ITPR2: variants seen among roughly 807,000 people sequenced by gnomAD.
The protein encoded by ITPR2 is inositol 1,4,5-trisphosphate receptor type 2.
A neutral mutation model predicts 317.1 loss-of-function variants in ITPR2; 207 were observed. That is an observed-to-expected ratio of 0.65 (90% confidence interval 0.58 to 0.73). ITPR2 has a LOEUF of 0.73. Among genes scored for constraint, ITPR2 ranks in the 30% least tolerant of loss-of-function variants. ITPR2 has a pLI of 0.00. For synonymous variants in ITPR2, 1,156 were observed against 1,149.1 expected, an observed-to-expected ratio of 1.01 and a Z score of -0.12; for missense variants, 2,613 against 3,284.0, an observed-to-expected ratio of 0.80 and a Z score of 4.99.
chr12:26,631,721 C>T (rs1399774336), intron 22 of ITPR2, 145 bp downstream of exon 22: 2 of 652,518 alleles, frequency 3.1e-6, no homozygotes, highest in East Asian at 2.8e-5. Context: ...TATTTTTTAC[C>T]AGGTTTGTCA....
chr12:26,509,087 A>G (rs767502959), intron 37 of ITPR2, among the ~76,000 whole-genome samples: 3 of 152,234 alleles, frequency 2.0e-5, no homozygotes, highest in Non-Finnish European at 4.4e-5. Context: ...CACCTGCTAG[A>G]ACATGTATGA....
rs1591942493 is a variant in ITPR2 at position 26,336,316 on chromosome 12, G to A, written c.*3081C>T. Among the ~76,000 whole-genome samples the A allele has an allele frequency of 2.6e-5, 4 of 152,114 alleles. No homozygotes were observed. The highest frequency in any genetic ancestry group is 2.0e-4 in the Admixed American group (3 of 15,288). ...TGCAATGAAACAATTGTAAAATAAA[G>A]AGAGCAGCCAAAACAGGGAGTTATG... On this transcript the variant is annotated 3_prime_UTR_variant, in exon 57 of 57. Transcript: ENST00000381340.
intron 55 of ITPR2, among the ~76,000 whole-genome samples, chr12:26,374,157 C>A (rs774680024): frequency 6.6e-6 from 1 of 152,188 alleles, no homozygotes; most frequent in Non-Finnish European, 1.5e-5. Flanking sequence ...TCCAGCAATG[C>A]AAATATTTAT....
At chr12:26,662,912 C>A (rs1246048960) in intron 15 of ITPR2, among the ~76,000 whole-genome samples, 1 of 152,054 alleles carries the variant, frequency 6.6e-6, no homozygotes, top group Non-Finnish European at 1.5e-5. Context: ...CTTGAGTAAT[C>A]CCCCCACCTT....
intron 9 of ITPR2, among the ~76,000 whole-genome samples, chr12:26,703,123 G>A (rs1484241967): frequency 6.6e-6 from 1 of 152,190 alleles, no homozygotes; most frequent in East Asian, 1.9e-4. Context: ...GTATCTATAA[G>A]TAAATTTTAG....
At chr12:26,567,952 ATATAT>A (rs1945021481) in intron 34 of ITPR2, among the ~76,000 whole-genome samples, 1 of 5,992 alleles carries the variant, frequency 1.7e-4, no homozygotes, top group Non-Finnish European at 8.1e-4. Context: ...TATATATATT[ATATAT>A]ATATATATAT....
At chr12:26,772,831 C>A (rs138566044) in intron 2 of ITPR2, among the ~76,000 whole-genome samples, 2 of 151,212 alleles carry the variant, frequency 1.3e-5, no homozygotes, top group Non-Finnish European at 2.9e-5. Context: ...TGGTTTGCTG[C>A]GCCTATTGAC....
At chr12:26,802,827 C>T (rs1950582889) in intron 1 of ITPR2, among the ~76,000 whole-genome samples, 1 of 151,942 alleles carries the variant, frequency 6.6e-6, no homozygotes, top group Admixed American at 6.6e-5. Context: ...GAGAAATTAA[C>T]AATACACTAT....
chr12:26,430,689 C>A (rs1592016947), intron 48 of ITPR2, among the ~76,000 whole-genome samples: 2 of 152,080 alleles, frequency 1.3e-5, no homozygotes, highest in African/African-American at 2.4e-5. Context: ...TTTAATAATA[C>A]AAAAAGTTTT....
At chr12:26,690,886 T>C (rs1234460502) in intron 10 of ITPR2, among the ~76,000 whole-genome samples, 1 of 152,234 alleles carries the variant, frequency 6.6e-6, no homozygotes, top group Non-Finnish European at 1.5e-5. Flanking sequence ...ATAGGATAAG[T>C]AGAATACGCT....
At chr12:26,786,837 T>C (rs906284093) in intron 2 of ITPR2, among the ~76,000 whole-genome samples, 6 of 152,236 alleles carry the variant, frequency 3.9e-5, no homozygotes, top group African/African-American at 1.4e-4. Context: ...ATATCATTTG[T>C]CTGGCTGAGG....
At chr12:26,708,789 A>C (rs1240324631) in intron 9 of ITPR2, among the ~76,000 whole-genome samples, 1 of 152,228 alleles carries the variant, frequency 6.6e-6, no homozygotes, top group Non-Finnish European at 1.5e-5. Context: ...AGAAATGATA[A>C]ATGCCTGAGG....
intron 1 of ITPR2, among the ~76,000 whole-genome samples, chr12:26,824,215 T>C (rs995392631): frequency 6.6e-6 from 1 of 152,238 alleles, no homozygotes; most frequent in Non-Finnish European, 1.5e-5. Context: ...TGTAATTTAT[T>C]GAATACTATA....
At chr12:26,431,624 G>A (rs58960123) in intron 48 of ITPR2, among the ~76,000 whole-genome samples, 6,096 of 152,270 alleles carry the variant, frequency 0.04, 363 homozygotes, top group African/African-American at 0.14. Flanking sequence ...ATCTGCAGTA[G>A]AGGGTGAAGA....
intron 34 of ITPR2, among the ~76,000 whole-genome samples, chr12:26,564,999 T>A (rs962655408): frequency 6.6e-6 from 1 of 152,180 alleles, no homozygotes; most frequent in Admixed American, 6.5e-5. Flanking sequence ...AGACTTATCA[T>A]CATCAGCATT....
At chr12:26,476,589 C>T (rs144201099) in intron 44 of ITPR2, among the ~76,000 whole-genome samples, 66 of 152,092 alleles carry the variant, frequency 4.3e-4, no homozygotes, top group African/African-American at 1.5e-3. Context: ...TTTTACATCC[C>T]TTCCTCATAT....
chr12:26,375,897 G>A (rs572342618), intron 55 of ITPR2, among the ~76,000 whole-genome samples: 3 of 152,270 alleles, frequency 2.0e-5, no homozygotes, highest in South Asian at 2.1e-4. Context: ...TCAGGAGCTC[G>A]AGACCAGCCT....
At chr12:26,554,328 A>T (rs7970385) in intron 36 of ITPR2, among the ~76,000 whole-genome samples, 52,853 of 151,832 alleles carry the variant, frequency 0.35, 11,382 homozygotes, top group South Asian at 0.49. Flanking sequence ...ATTTCATTTT[A>T]ATTCATTTAA....
chr12:26,477,036 T>C (rs779591310), intron 43 of ITPR2, 29 bp from the exon 44 acceptor site: 12 of 1,387,208 alleles, frequency 8.7e-6, no homozygotes, highest in Admixed American at 1.8e-5. Context: ...TTAATGTGCA[T>C]GCAAAGTCTA....
Sources: gnomAD v4.1 joint callset for allele counts (sites outside exome capture counted in the v4.1 genomes callset) on GRCh38, gnomAD v4.1.1 for gene constraint, MANE v1.5 for transcripts, NCBI Gene and HGNC (gene_info 2026-07-23, HGNC 2026-07-21) for gene names.